MCTP1: variants seen among roughly 807,000 people sequenced by gnomAD.
The protein encoded by MCTP1 is multiple C2 and transmembrane domain-containing protein 1.
In MCTP1, 69 loss-of-function variants were observed where a neutral mutation model predicts 120.6. The observed-to-expected ratio is 0.57, with a 90% confidence interval of 0.47 to 0.70. The LOEUF is 0.70. Among genes scored for constraint, MCTP1 ranks in the 30% least tolerant of loss-of-function variants. The pLI, the probability that MCTP1 is intolerant of heterozygous loss-of-function variation, is 0.00. For synonymous variants in MCTP1, 529 were observed against 493.1 expected (o/e 1.07, Z -0.96); for missense variants, 1,203 against 1,248.8 (o/e 0.96, Z 0.55).
At chr5:95,026,166 T>G (rs1839219753) in intron 1 of MCTP1, among the ~76,000 whole-genome samples, 2 of 152,266 alleles carry the variant, frequency 1.3e-5, no homozygotes, top group South Asian at 2.1e-4. Context: ...TTTTAATTTT[T>G]GTGGGTACAT....
rs1322194372 is a variant in MCTP1, at chr5:94,766,885, T to G, written c.2610+12225A>C. Among the ~76,000 whole-genome samples the G allele has an allele frequency of 1.3e-5, 2 of 152,096 alleles. 1 individual carries two copies. Among genetic ancestry groups the G allele is most frequent in the African/African-American group, 4.8e-5 (2 of 41,368 alleles). ...AAAGAACTAACAATTCTTTTCAAAC[T>G]GTTTCAAACAATTGAAAGGACGGAA... On this transcript the variant is annotated intron_variant, in intron 19 of 22. Coordinates refer to ENST00000515393, the MANE Select transcript of MCTP1 (RefSeq NM_024717.7).
chr5:94,897,608 G>A (rs1272112708), intron 10 of MCTP1, among the ~76,000 whole-genome samples: 3 of 151,938 alleles, frequency 2.0e-5, no homozygotes, highest in Admixed American at 6.6e-5. Context: ...CAAATGATCC[G>A]CCCACCTTGG....
chr5:95,249,022 T>C (rs1757110152), intron 1 of MCTP1, among the ~76,000 whole-genome samples: 1 of 152,122 alleles, frequency 6.6e-6, no homozygotes, highest in African/African-American at 2.4e-5. Flanking sequence ...CAAGATGGAT[T>C]AAAGACTTAA....
intron 19 of MCTP1, among the ~76,000 whole-genome samples, chr5:94,745,203 C>T (rs907303165): frequency 1.3e-5 from 2 of 152,186 alleles, no homozygotes; most frequent in Non-Finnish European, 1.5e-5. Context: ...GCCTTTCTGT[C>T]TATAACCAGT....
chr5:94,957,356 A>T (rs1214632879), intron 2 of MCTP1, among the ~76,000 whole-genome samples: 1 of 152,236 alleles, frequency 6.6e-6, no homozygotes, highest in Non-Finnish European at 1.5e-5. Flanking sequence ...AAACTGCATC[A>T]ACTAATGGGC....
At chr5:95,173,477 T>C (rs1388721663) in intron 1 of MCTP1, among the ~76,000 whole-genome samples, 1 of 152,154 alleles carries the variant, frequency 6.6e-6, no homozygotes, top group Non-Finnish European at 1.5e-5. Flanking sequence ...TCACCTCAAG[T>C]ATAGCCATCA....
chr5:94,809,371 A>T (rs1782987776), intron 17 of MCTP1, among the ~76,000 whole-genome samples: 1 of 152,060 alleles, frequency 6.6e-6, no homozygotes, highest in Non-Finnish European at 1.5e-5. Context: ...AGCCCAGAGT[A>T]TGTCCAACTT....
intron 2 of MCTP1, among the ~76,000 whole-genome samples, chr5:94,985,781 C>G (rs1300465009): frequency 6.6e-6 from 1 of 152,120 alleles, no homozygotes; most frequent in African/African-American, 2.4e-5. Flanking sequence ...TGCCATTCTG[C>G]AGAGCTCACA....
At chr5:95,099,157 T>A (rs1248569643) in intron 1 of MCTP1, among the ~76,000 whole-genome samples, 8 of 151,558 alleles carry the variant, frequency 5.3e-5, no homozygotes, top group Middle Eastern at 3.4e-3. Context: ...TAGACCTAAA[T>A]CCATAAAAAC....
At chr5:95,208,743 AG>A (rs1751972119) in intron 1 of MCTP1, among the ~76,000 whole-genome samples, 1 of 150,914 alleles carries the variant, frequency 6.6e-6, no homozygotes, top group Admixed American at 6.6e-5. Context: ...AAAAAAAAAA[AG>A]TTCTAGAACA....
At chr5:95,058,618 A>T (rs1162333763) in intron 1 of MCTP1, among the ~76,000 whole-genome samples, 3 of 152,198 alleles carry the variant, frequency 2.0e-5, no homozygotes, top group Admixed American at 1.3e-4. Flanking sequence ...TACAAACTTA[A>T]ACTATACCAC....
intron 19 of MCTP1, among the ~76,000 whole-genome samples, chr5:94,718,340 T>C (rs1580290816): frequency 6.6e-6 from 1 of 151,916 alleles, no homozygotes; most frequent in South Asian, 2.1e-4. Context: ...CCCTTTCTTA[T>C]AAAAAATTAA....
intron 2 of MCTP1, among the ~76,000 whole-genome samples, chr5:94,991,889 A>AATAAAT (rs202170710): frequency 6.6e-6 from 1 of 151,362 alleles, no homozygotes; most frequent in Non-Finnish European, 1.5e-5. Flanking sequence ...AAAAAAAATA[A>AATAAAT]AAATAAATAA....
At chr5:94,998,653 G>T (rs1833073408) in intron 2 of MCTP1, among the ~76,000 whole-genome samples, 1 of 152,200 alleles carries the variant, frequency 6.6e-6, no homozygotes, top group African/African-American at 2.4e-5. Flanking sequence ...CTGATAAGCA[G>T]CTAGAGACTC....
chr5:94,823,013 A>T (rs1275776725), intron 17 of MCTP1, among the ~76,000 whole-genome samples: 3 of 152,176 alleles, frequency 2.0e-5, no homozygotes, highest in Admixed American at 1.3e-4. Context: ...GTTCACTCTG[A>T]TGATAGATTC....
intron 19 of MCTP1, chr5:94,739,137 T>C (rs1375313701): frequency 6.6e-6 from 1 of 152,262 alleles, no homozygotes; most frequent in Admixed American, 6.5e-5. Flanking sequence ...ATTTGTCTAA[T>C]TTATTCATTT....
At chr5:95,103,739 C>A (rs557815452) in intron 1 of MCTP1, among the ~76,000 whole-genome samples, 4 of 152,232 alleles carry the variant, frequency 2.6e-5, no homozygotes, top group African/African-American at 9.6e-5. Flanking sequence ...GTAATAAAAT[C>A]CAGGTGCTCT....
chr5:95,080,250 C>T (rs1445706966), intron 1 of MCTP1, among the ~76,000 whole-genome samples: 2 of 152,106 alleles, frequency 1.3e-5, no homozygotes, highest in African/African-American at 4.8e-5. Context: ...GTGGCAATGG[C>T]TAAGAAATTG....
intron 1 of MCTP1, among the ~76,000 whole-genome samples, chr5:95,084,370 A>C (rs939374245): frequency 6.6e-6 from 1 of 152,118 alleles, no homozygotes; most frequent in Admixed American, 6.6e-5. Flanking sequence ...CCCACTCTCC[A>C]TTCTTTACCA....
Sources: allele counts gnomAD v4.1 joint callset (sites outside exome capture counted in the v4.1 genomes callset), GRCh38; gene constraint gnomAD v4.1.1; transcripts MANE v1.5; gene names NCBI Gene and HGNC (gene_info 2026-07-23, HGNC 2026-07-21).